LPP: variants seen among roughly 807,000 people sequenced by gnomAD.
The protein encoded by LPP is LIM domain containing preferred translocation partner in lipoma.
LPP carries 38 observed loss-of-function variants against 60.4 expected under a neutral mutation model. The observed-to-expected ratio is 0.63, with a 90% CI of 0.49 to 0.83. LPP has a LOEUF of 0.83. LPP is among the 40% of genes least tolerant of loss of function. LPP has a pLI of 0.00. For missense variants in LPP, 902 were observed against 783.6 expected, an observed-to-expected ratio of 1.15 and a Z score of -1.80; for synonymous variants, 328 against 290.8, an observed-to-expected ratio of 1.13 and a Z score of -1.30.
intron 6 of LPP, among the ~76,000 whole-genome samples, chr3:188,547,468 C>A (rs1471222609): frequency 6.6e-6 from 1 of 152,184 alleles, no homozygotes; most frequent in Admixed American, 6.5e-5. Flanking sequence ...CCAAGGTCAG[C>A]CTCCTTTTAT....
chr3:188,160,061 C>T lies in LPP; in HGVS notation c.-190+5809C>T, dbSNP rs146493455. 2.8e-3 allele frequency among the ~76,000 whole-genome samples: 404 copies of T among 143,244 alleles called. 4 individuals carry two copies. Among genetic ancestry groups the T allele is most frequent in the African/African-American group, 0.01 (386 of 38,292 alleles). 94.0% of individuals were successfully genotyped at this position (143,244 alleles called of 152,430 possible). A position where few individuals can be genotyped will look rare whatever the true frequency, so the allele number is the denominator to read the frequency against. ...CCAAGTAGCTGGGATTACAGGTGCCCGCCACCACTCCCGGCTAATTTTTGT... is the reference window on the plus strand; with the variant it reads ...CCAAGTAGCTGGGATTACAGGTGCCTGCCACCACTCCCGGCTAATTTTTGT... On this transcript the variant is annotated intron_variant, in intron 1 of 11. Transcript: ENST00000617246.
intron 1 of LPP, among the ~76,000 whole-genome samples, chr3:188,202,112 T>C (rs903705829): frequency 2.0e-5 from 3 of 151,914 alleles, no homozygotes; most frequent in South Asian, 2.1e-4. Flanking sequence ...CCTGTTGCCA[T>C]TGGGAAGCCA....
intron 1 of LPP, among the ~76,000 whole-genome samples, chr3:188,160,861 G>T (rs1356447821): frequency 6.6e-6 from 1 of 152,210 alleles, no homozygotes; most frequent in African/African-American, 2.4e-5. Flanking sequence ...TGAGCAAAGG[G>T]CTAATGGGAA....
chr3:188,502,222 A>G (rs1237235715), intron 5 of LPP, among the ~76,000 whole-genome samples: 1 of 152,058 alleles, frequency 6.6e-6, no homozygotes, highest in Non-Finnish European at 1.5e-5. Flanking sequence ...TGAAATCTCT[A>G]TTATTATACA....
chr3:188,510,257 T>C (rs1288658918), intron 5 of LPP, among the ~76,000 whole-genome samples: 1 of 152,318 alleles, frequency 6.6e-6, no homozygotes, highest in East Asian at 1.9e-4. Context: ...CCTAGCAAAG[T>C]AAAAGTCTTG....
At chr3:188,730,872 C>T (rs1456895173) in intron 8 of LPP, among the ~76,000 whole-genome samples, 2 of 152,214 alleles carry the variant, frequency 1.3e-5, no homozygotes, top group Non-Finnish European at 2.9e-5. Flanking sequence ...TTGTGGCCCT[C>T]TTTTTCCATC....
chr3:188,205,041 T>C (rs567813733), intron 1 of LPP, among the ~76,000 whole-genome samples: 1 of 152,316 alleles, frequency 6.6e-6, no homozygotes, highest in South Asian at 2.1e-4. Context: ...TTTTTTGCCC[T>C]GAACTCAGTA....
chr3:188,287,219 T>A (rs1163242159), intron 2 of LPP, among the ~76,000 whole-genome samples: 3 of 152,196 alleles, frequency 2.0e-5, no homozygotes, highest in African/African-American at 7.2e-5. Flanking sequence ...AGTTTAAAAA[T>A]TACAAGTTTC....
chr3:188,531,773 T>C (rs1049796905), intron 6 of LPP, among the ~76,000 whole-genome samples: 7 of 152,162 alleles, frequency 4.6e-5, no homozygotes, highest in African/African-American at 1.4e-4. Flanking sequence ...GTATCCTCTA[T>C]AATAAACTAG....
intron 7 of LPP, among the ~76,000 whole-genome samples, chr3:188,681,417 A>G (rs1370780757): frequency 6.6e-6 from 1 of 152,206 alleles, no homozygotes; most frequent in East Asian, 1.9e-4. Flanking sequence ...AGTTACCTCC[A>G]GAAGGTTCAG....
At chr3:188,664,659 T>C (rs1018655157) in intron 7 of LPP, among the ~76,000 whole-genome samples, 1 of 151,992 alleles carries the variant, frequency 6.6e-6, no homozygotes, top group Non-Finnish European at 1.5e-5. Flanking sequence ...AAGAGATACA[T>C]GGACCCATTG....
intron 4 of LPP, among the ~76,000 whole-genome samples, chr3:188,456,152 C>G (rs546204915): frequency 2.4e-4 from 36 of 152,284 alleles, no homozygotes; most frequent in African/African-American, 7.7e-4. Flanking sequence ...CCAACCACTG[C>G]GATTACAGGC....
intron 4 of LPP, among the ~76,000 whole-genome samples, chr3:188,462,610 GTGTGTGTGTGTGTGTGTGTGTGTGTTAC>G (rs1356048867): frequency 1.6e-5 from 2 of 128,278 alleles, no homozygotes; most frequent in Non-Finnish European, 3.5e-5. Context: ...GTGTGTGTGT[GTGTGTGTGTGTGTGTGTGTGTGTGTTAC>G]TTTTTTGGGT....
chr3:188,485,796 C>CAAAAAAAAAAAAAAAAAAAAAAAAA (rs766522013), intron 5 of LPP, among the ~76,000 whole-genome samples: 3 of 40,154 alleles, frequency 7.5e-5, no homozygotes, highest in East Asian at 8.4e-4. Flanking sequence ...GACTCCGTCT[C>CAAAAAAAAAAAAAAAAAAAAAAAAA]AAAAAAAAAA....
chr3:188,688,162 C>T (rs1393430736), intron 7 of LPP, among the ~76,000 whole-genome samples: 1 of 152,120 alleles, frequency 6.6e-6, no homozygotes, highest in Non-Finnish European at 1.5e-5. Flanking sequence ...GGCTTTTGGC[C>T]TAAACCCATA....
At chr3:188,156,759 C>T (rs954852285) in intron 1 of LPP, among the ~76,000 whole-genome samples, 30 of 151,952 alleles carry the variant, frequency 2.0e-4, no homozygotes, top group African/African-American at 7.3e-4. Flanking sequence ...ATCACTTGAA[C>T]CTGGGAAGAG....
intron 4 of LPP, among the ~76,000 whole-genome samples, chr3:188,482,873 G>GACCCA (rs1805223652): frequency 6.6e-6 from 1 of 152,136 alleles, no homozygotes; most frequent in African/African-American, 2.4e-5. Flanking sequence ...ATTAAAGTGT[G>GACCCA]CTGTCAGACC....
intron 3 of LPP, among the ~76,000 whole-genome samples, chr3:188,369,750 A>C (rs1296913312): frequency 6.6e-6 from 1 of 152,040 alleles, no homozygotes; most frequent in Non-Finnish European, 1.5e-5. Context: ...CTGGCAGCTC[A>C]CCCTGATTAG....
At chr3:188,180,892 T>C (rs765871238) in intron 1 of LPP, 3 of 152,124 alleles carry the variant, frequency 2.0e-5, no homozygotes, top group Non-Finnish European at 4.4e-5. Context: ...TAAATAGCAC[T>C]GTGACGAACA....
Sources: allele counts gnomAD v4.1 joint callset (sites outside exome capture counted in the v4.1 genomes callset), GRCh38; gene constraint gnomAD v4.1.1; transcripts MANE v1.5; gene names NCBI Gene and HGNC (gene_info 2026-07-23, HGNC 2026-07-21).